The following ARHGAP6 variants were observed in gnomAD, a reference collection of about 807,000 sequenced individuals.
ARHGAP6 encodes Rho GTPase activating protein 6, also known as rho GTPase-activating protein 6.
In ARHGAP6, 16 loss-of-function variants were observed where a neutral mutation model predicts 55.7. The ratio of observed to expected loss-of-function variants is 0.29; its 90% CI spans 0.19 to 0.44. The LOEUF (loss-of-function observed/expected upper bound fraction) is 0.44. Among genes scored for constraint, ARHGAP6 ranks in the 20% least tolerant of loss-of-function variants. The probability of loss-of-function intolerance (pLI) is 1.00; values close to 1 mark genes in which losing one functional copy is unlikely to be tolerated. For missense variants in ARHGAP6, 698 were observed against 808.9 expected (o/e 0.86, Z 1.66); for synonymous variants, 382 against 360.9 (o/e 1.06, Z -0.66).
chrX:11,600,895 C>G, intron 1 of ARHGAP6, among the ~76,000 whole-genome samples: 1 of 111,802 alleles, frequency 8.9e-6, no homozygotes, highest in East Asian at 2.8e-4. Context: ...CTTTGCGAGC[C>G]TGGGTGGAAC....
At chrX:11,434,719 C>G (rs184156494) in intron 1 of ARHGAP6, among the ~76,000 whole-genome samples, 78 of 111,202 alleles carry the variant, frequency 7.0e-4, no homozygotes, top group African/African-American at 2.6e-3. Flanking sequence ...ACATATAAGG[C>G]AAATGTTAAG....
intron 1 of ARHGAP6, among the ~76,000 whole-genome samples, chrX:11,603,634 C>G (rs1409819185): frequency 9.0e-6 from 1 of 111,345 alleles, no homozygotes; most frequent in Non-Finnish European, 1.9e-5. Flanking sequence ...TTTGCATTAT[C>G]CATATAGTGA....
At chrX:11,454,161 C>T (rs913873868) in intron 1 of ARHGAP6, among the ~76,000 whole-genome samples, 1 of 98,766 alleles carries the variant, frequency 1.0e-5, no homozygotes, top group African/African-American at 3.8e-5. Context: ...AGGGTTTCAC[C>T]GTGTTAGCCG....
At position 11,227,733 on chromosome X, in the gene ARHGAP6, C is replaced by T. The variant is rs751008851; in HGVS notation, c.748+26815G>A. Among the ~76,000 whole-genome samples the T allele has an allele frequency of 8.1e-5, 9 of 110,456 alleles. No individual in the cohort carries two copies. The East Asian group carries it at 8.6e-4, about 11-fold the overall frequency. ...GACAGCCTTCCCTGAAGGAACTCAC[C>T]GTTACTCCCATGCTTTGCTCATGCC... On this transcript the variant is annotated intron_variant, in intron 2 of 12. Transcript: ENST00000337414.
chrX:11,214,392 GC>G (rs1366735093), intron 2 of ARHGAP6, among the ~76,000 whole-genome samples: 1 of 112,371 alleles, frequency 8.9e-6, no homozygotes, highest in Admixed American at 9.3e-5. Flanking sequence ...ATGCAGTTGG[GC>G]ATGTTGGAAG....
At chrX:11,518,462 C>CTTTTTTTTTT (rs368595944) in intron 1 of ARHGAP6, among the ~76,000 whole-genome samples, 10 of 74,924 alleles carry the variant, frequency 1.3e-4, no homozygotes, top group South Asian at 6.9e-4. Context: ...TTTTTTTTTT[C>CTTTTTTTTTT]TTTTTTTTTT....
chrX:11,174,599 TC>T (rs2046159304), intron 8 of ARHGAP6, among the ~76,000 whole-genome samples: 1 of 95,035 alleles, frequency 1.1e-5, no homozygotes, highest in African/African-American at 3.9e-5. Context: ...TCTTTTTCTT[TC>T]TTTCTTTCTT....
At chrX:11,345,878 ACCCCTGCCT>A (rs2048775344) in intron 1 of ARHGAP6, among the ~76,000 whole-genome samples, 54 of 111,659 alleles carry the variant, frequency 4.8e-4, no homozygotes, top group Admixed American at 4.7e-3. Context: ...AAAGTGTGTA[ACCCCTGCCT>A]TTCTCTCTAA....
At chrX:11,365,594 A>C (rs2049065804) in intron 1 of ARHGAP6, among the ~76,000 whole-genome samples, 2 of 112,913 alleles carry the variant, frequency 1.8e-5, no homozygotes, top group South Asian at 7.3e-4. Flanking sequence ...TGTAGACCAA[A>C]ATAGAAAAGC....
intron 1 of ARHGAP6, among the ~76,000 whole-genome samples, chrX:11,424,126 A>T (rs1276756773): frequency 8.9e-6 from 1 of 112,437 alleles, no homozygotes; most frequent in Non-Finnish European, 1.9e-5. Flanking sequence ...GGCAAAGTGG[A>T]TCGCAGAGGG....
chrX:11,609,048 A>T (rs941734511), intron 1 of ARHGAP6, among the ~76,000 whole-genome samples: 1 of 111,981 alleles, frequency 8.9e-6, no homozygotes, highest in Non-Finnish European at 1.9e-5. Context: ...GCTGAAAGAC[A>T]GAATGCCCCG....
intron 2 of ARHGAP6, among the ~76,000 whole-genome samples, chrX:11,247,172 G>C (rs2047365063): frequency 9.0e-6 from 1 of 111,114 alleles, no homozygotes; most frequent in African/African-American, 3.3e-5. Context: ...GAGGCATTGG[G>C]GTACTCTTTT....
At chrX:11,321,914 G>A (rs2048437492) in intron 1 of ARHGAP6, among the ~76,000 whole-genome samples, 1 of 112,062 alleles carries the variant, frequency 8.9e-6, no homozygotes, top group Admixed American at 9.5e-5. Context: ...TTCCTGGTGA[G>A]AAATCTTTGT....
At chrX:11,590,849 A>G (rs1601677513) in intron 1 of ARHGAP6, among the ~76,000 whole-genome samples, 2 of 48,534 alleles carry the variant, frequency 4.1e-5, no homozygotes, top group African/African-American at 2.6e-4. Context: ...AAGAAAAGAA[A>G]AGAAAAGAAA....
chrX:11,370,039 G>A (rs1402040590), intron 1 of ARHGAP6, among the ~76,000 whole-genome samples: 1 of 112,524 alleles, frequency 8.9e-6, no homozygotes, highest in Admixed American at 9.4e-5. Flanking sequence ...TCCCTGGGCT[G>A]AGGCTGCCTC....
intron 1 of ARHGAP6, among the ~76,000 whole-genome samples, chrX:11,654,723 C>T (rs746324174): frequency 2.7e-5 from 3 of 111,353 alleles, no homozygotes; most frequent in Non-Finnish European, 5.7e-5. Context: ...GGCTGGCTGC[C>T]GACGACTCTG....
intron 1 of ARHGAP6, among the ~76,000 whole-genome samples, chrX:11,570,907 G>T (rs1377918112): frequency 9.0e-6 from 1 of 111,352 alleles, no homozygotes; most frequent in Non-Finnish European, 1.9e-5. Flanking sequence ...TGAGGGCTCA[G>T]CCCTAATAAG....
In ARHGAP6 at chrX:11,501,954, CTG is replaced by C. The variant is rs201093479; in HGVS notation, c.588+162285_588+162286del. On this transcript the variant is annotated intron_variant, in intron 1 of 12. Coordinates refer to ENST00000337414, the MANE Select transcript of ARHGAP6 (RefSeq NM_013427.3). ...CAAACTTGTGTTGTTGAAAGATCAA[CTG>C]TGTGTGTGTGTGCACATGTGTGTGT... Among the ~76,000 whole-genome samples, 500 of 110,688 alleles carry C rather than the reference CTG, an allele frequency of 4.5e-3. 5 individuals are homozygous for C. Among genetic ancestry groups the C allele is most frequent in the African/African-American group, 0.016 (482 of 30,492 alleles).
At chrX:11,265,050 A>G (rs983885027) in intron 1 of ARHGAP6, among the ~76,000 whole-genome samples, 1 of 112,366 alleles carries the variant, frequency 8.9e-6, no homozygotes, top group Admixed American at 9.4e-5. Context: ...TGATAAACCA[A>G]TCCAAACCTC....
Sources: allele counts gnomAD v4.1 joint callset (sites outside exome capture counted in the v4.1 genomes callset), GRCh38; gene constraint gnomAD v4.1.1; transcripts MANE v1.5; gene names NCBI Gene and HGNC (gene_info 2026-07-23, HGNC 2026-07-21).